DOCK1: variants seen among roughly 807,000 people sequenced by gnomAD.
DOCK1 encodes dedicator of cytokinesis protein 1.
A neutral mutation model predicts 262.7 loss-of-function variants in DOCK1; 138 were observed. That is an observed-to-expected ratio of 0.53 (90% confidence interval 0.46 to 0.61). The LOEUF (loss-of-function observed/expected upper bound fraction) is 0.61. Among genes scored for constraint, DOCK1 ranks in the 20% least tolerant of loss-of-function variants. The probability of loss-of-function intolerance (pLI) is 0.00; values close to 1 mark genes in which losing one functional copy is unlikely to be tolerated. For synonymous variants in DOCK1, 866 were observed against 867.4 expected (o/e 1.00, Z 0.03); for missense variants, 1,908 against 2,370.7 (o/e 0.80, Z 4.05).
chr10:127,087,177 G>A (rs1365231373), intron 23 of DOCK1, among the ~76,000 whole-genome samples: 6 of 152,156 alleles, frequency 3.9e-5, no homozygotes, highest in East Asian at 1.9e-4. Flanking sequence ...TTTTCTAAAC[G>A]AGTGACTTTC....
intron 50 of DOCK1, among the ~76,000 whole-genome samples, chr10:127,444,722 T>C (rs988994694): frequency 6.6e-6 from 1 of 152,154 alleles, no homozygotes; most frequent in African/African-American, 2.4e-5. Flanking sequence ...CCCTAGAAGT[T>C]CCCACAAAAC....
At chr10:126,980,075 G>T (rs2038842666) in intron 3 of DOCK1, among the ~76,000 whole-genome samples, 1 of 152,144 alleles carries the variant, frequency 6.6e-6, no homozygotes. Flanking sequence ...GACACCTATT[G>T]CTATCATGGA....
chr10:127,032,005 A>T (rs574215313), intron 17 of DOCK1, 132 bp from the exon 18 acceptor site: 2 of 1,199,374 alleles, frequency 1.7e-6, no homozygotes, highest in Non-Finnish European at 2.4e-6. Flanking sequence ...AAGGGAAATT[A>T]TTAAAATGTG....
chr10:127,062,896 C>T (rs1024939696), intron 23 of DOCK1, among the ~76,000 whole-genome samples: 1 of 152,186 alleles, frequency 6.6e-6, no homozygotes, highest in Non-Finnish European at 1.5e-5. Context: ...CTTCTTCCCT[C>T]TTTTGATGAC....
intron 27 of DOCK1, among the ~76,000 whole-genome samples, chr10:127,229,539 T>A (rs954966403): frequency 1.3e-5 from 2 of 152,176 alleles, no homozygotes; most frequent in African/African-American, 4.8e-5. Context: ...TCCAGGTCCA[T>A]CTATGTTGTT....
At chr10:127,021,098 A>G (rs564487724) in intron 13 of DOCK1, among the ~76,000 whole-genome samples, 7 of 152,224 alleles carry the variant, frequency 4.6e-5, no homozygotes, top group Middle Eastern at 3.4e-3. Context: ...GTGAATGCCC[A>G]TTTGTGGGGT....
intron 27 of DOCK1, among the ~76,000 whole-genome samples, chr10:127,198,696 A>G (rs1359054787): frequency 6.6e-6 from 1 of 152,054 alleles, no homozygotes; most frequent in East Asian, 1.9e-4. Context: ...ATTGTGTAGT[A>G]GACTTACAGT....
In DOCK1 at chr10:127,042,729, C is replaced by T. The variant is rs2044099799; in HGVS notation, c.2100+15C>T. On this transcript the variant is annotated intron_variant, in intron 20 of 51. Transcript: ENST00000623213. ...TTGATGCTCTGGTAAGAGAGCTTTCCTTCTCATATGCTTGGATAACACAGC... is the reference window on the plus strand; with the variant it reads ...TTGATGCTCTGGTAAGAGAGCTTTCTTTCTCATATGCTTGGATAACACAGC... 9 of 1,612,430 alleles carry T rather than the reference C, an allele frequency of 5.6e-6. No individual in the cohort carries two copies. The East Asian group carries it at 8.9e-5, about 16-fold the overall frequency.
At chr10:127,339,739 G>A (rs1310632008) in intron 30 of DOCK1, among the ~76,000 whole-genome samples, 1 of 142,864 alleles carries the variant, frequency 7.0e-6, no homozygotes, top group Non-Finnish European at 1.5e-5. Flanking sequence ...GTGTGTGCAT[G>A]CTGTAAGGAT....
chr10:127,136,009 A>C (rs1351551476), intron 27 of DOCK1: 1 of 152,648 alleles, frequency 6.6e-6, no homozygotes. Flanking sequence ...TACAGGATCA[A>C]CTTCCTCATT....
chr10:127,407,939 G>C (rs1011653699), intron 40 of DOCK1, among the ~76,000 whole-genome samples: 3 of 152,126 alleles, frequency 2.0e-5, no homozygotes, highest in African/African-American at 4.8e-5. Context: ...GATGGGACAG[G>C]ATGGGTGGGG....
At chr10:127,192,613 G>A (rs1484774086) in intron 27 of DOCK1, 1 of 152,144 alleles carries the variant, frequency 6.6e-6, no homozygotes, top group African/African-American at 2.4e-5. Context: ...ACAGTAGAGG[G>A]GTCTCTGAAA....
chr10:127,203,106 A>G (rs2057545794), intron 27 of DOCK1, among the ~76,000 whole-genome samples: 1 of 152,232 alleles, frequency 6.6e-6, no homozygotes, highest in African/African-American at 2.4e-5. Flanking sequence ...AGCTTCCCCA[A>G]TATAATTTCA....
chr10:127,358,927 G>C (rs777413702), intron 32 of DOCK1, among the ~76,000 whole-genome samples: 2 of 152,116 alleles, frequency 1.3e-5, no homozygotes, highest in Non-Finnish European at 2.9e-5. Context: ...AGAGCTCCAC[G>C]TTCTGTAACT....
Position 127,032,171 on chromosome 10 carries a change from A to G in DOCK1, c.1763A>G (p.Tyr588Cys). The G allele has an allele frequency of 3.1e-6, 5 of 1,597,884 alleles. No individual in the cohort carries two copies. The highest frequency in any genetic ancestry group is 3.4e-6 in the Non-Finnish European group (4 of 1,172,050). The change falls in exon 18 of 52, where the codon TAC (tyrosine) becomes TGC (cysteine). Residue 588 changes from tyrosine to cysteine, a missense_variant. Transcript: ENST00000623213. ...EAKKLEDAAT[Y>C]LSLPSTKAEL... ...AAGAAGCTGGAAGATGCTGCCACGT[A>G]CTTGAGTCTGCCCTCCACGAAGGCA...
At chr10:127,164,033 G>A (rs1027382885) in intron 27 of DOCK1, among the ~76,000 whole-genome samples, 4 of 151,870 alleles carry the variant, frequency 2.6e-5, no homozygotes, top group East Asian at 1.9e-4. Flanking sequence ...CTGGTGGATC[G>A]TGGCAAAGCA....
rs1491352928 is a variant in DOCK1, at chr10:127,190,664, T to TCCCCCCCCCCCCCC, written c.2848-57344_2848-57343insCCCCCCCCCCCCCC. Among the ~76,000 whole-genome samples the TCCCCCCCCCCCCCC allele has an allele frequency of 2.6e-4, 4 of 15,272 alleles. 1 individual carries two copies. The highest frequency in any genetic ancestry group is 4.0e-4 in the African/African-American group (1 of 2,476). The allele number at this position is 15,272 out of a possible 152,430, so 10.0% of individuals were successfully genotyped here. On this transcript the variant is annotated intron_variant, in intron 27 of 51. Transcript: ENST00000623213. ...TCAAATATTTAATAGAAATCCTATC[T>TCCCCCCCCCCCCCC]TCCCCCCCCCCCCCCCCCCGTTCCT...
intron 1 of DOCK1, among the ~76,000 whole-genome samples, chr10:126,955,871 C>T (rs1214918411): frequency 2.0e-5 from 3 of 152,200 alleles, no homozygotes; most frequent in South Asian, 2.1e-4. Flanking sequence ...AGGAAAGATT[C>T]GTTTGTGTCC....
chr10:127,364,043 G>A (rs79072277), intron 33 of DOCK1, among the ~76,000 whole-genome samples: 7,338 of 152,300 alleles, frequency 0.048, 523 homozygotes, highest in African/African-American at 0.16. Context: ...GGCTGTGGAT[G>A]CTTCTCTTCT....
Sources: allele counts gnomAD v4.1 joint callset (sites outside exome capture counted in the v4.1 genomes callset), GRCh38; gene constraint gnomAD v4.1.1; transcripts MANE v1.5; gene names NCBI Gene and HGNC (gene_info 2026-07-23, HGNC 2026-07-21).